DRG2: variants seen among roughly 807,000 people sequenced by gnomAD.
DRG2 encodes developmentally regulated GTP binding protein 2.
In DRG2, 36 loss-of-function variants were observed where a neutral mutation model predicts 53.4. The ratio of observed to expected loss-of-function variants is 0.67; its 90% CI spans 0.52 to 0.89. DRG2 has a LOEUF of 0.89. Among genes scored for constraint, DRG2 ranks in the 40% least tolerant of loss-of-function variants. The pLI, the probability that DRG2 is intolerant of heterozygous loss-of-function variation, is 0.00. For synonymous variants in DRG2, 167 were observed against 192.1 expected (o/e 0.87, Z 1.08); for missense variants, 342 against 481.2 (o/e 0.71, Z 2.71).
Position 18,099,547 on chromosome 17 carries a change from G to A in DRG2, c.377-86G>A. ...ATGTGGCAGAGGCTGTGGTAGGTCTGTAAAGGACAGGAGTCCAGGGCGCCG... is the reference window on the plus strand; with the variant it reads ...ATGTGGCAGAGGCTGTGGTAGGTCTATAAAGGACAGGAGTCCAGGGCGCCG... On this transcript the variant is annotated intron_variant, in intron 4 of 12. Transcript: ENST00000225729. The surrounding 1 kb of genome is among the most constrained non-coding windows in gnomAD (Gnocchi z 4.4). The A allele has an allele frequency of 7.2e-7, 1 of 1,392,250 alleles. No homozygotes were observed. Among genetic ancestry groups the A allele is most frequent in the Non-Finnish European group, 1.0e-6 (1 of 1,001,980 alleles). 86.2% of individuals were successfully genotyped at this position (1,392,250 alleles called of 1,614,324 possible).
At position 18,099,787 on chromosome 17, in the gene DRG2, C is replaced by T. The variant is rs756838646; in HGVS notation, c.467+64C>T. The T allele has an allele frequency of 1.9e-5, 29 of 1,505,916 alleles. No individual in the cohort carries two copies. Among genetic ancestry groups the T allele is most frequent in the African/African-American group, 9.6e-5 (7 of 72,632 alleles). The allele number at this position is 1,505,916 out of a possible 1,614,324, so 93.3% of individuals were successfully genotyped here. The stretch of plus-strand genomic sequence containing the variant: ...GGGAGGGCCAATGTGTCCCTGAGCT[C>T]GTACTAGGCGGCCTGTGGGTGTTTG... On this transcript the variant is annotated intron_variant, in intron 5 of 12. Coordinates refer to ENST00000225729, the MANE Select transcript of DRG2 (RefSeq NM_001388.5). The surrounding 1 kb of genome is among the most constrained non-coding windows in gnomAD (Gnocchi z 4.4).
Position 18,100,751 on chromosome 17 carries a change from G to C in DRG2, c.631+92G>C. ...TAAGACAGGAGGCCTCATGGAGCAG[G>C]GTGGCAGCAGGTCACCCCCACTGCC... On this transcript the variant is annotated intron_variant, in intron 7 of 12. Coordinates refer to ENST00000225729, the MANE Select transcript of DRG2 (RefSeq NM_001388.5). The surrounding 1 kb of genome is among the most constrained non-coding windows in gnomAD (Gnocchi z 4.1). 1 of 1,269,044 alleles carries C rather than the reference G, an allele frequency of 7.9e-7. No homozygotes were observed. The highest frequency in any genetic ancestry group is 1.1e-6 in the Non-Finnish European group (1 of 900,862). 78.6% of individuals were successfully genotyped at this position (1,269,044 alleles called of 1,614,324 possible).
chr17:18,098,741 A>G lies in DRG2; in HGVS notation c.316-276A>G, dbSNP rs1182615385. 6.6e-6 allele frequency among the ~76,000 whole-genome samples: 1 copy of G among 152,196 alleles called. No individual in the cohort carries two copies. Among genetic ancestry groups the G allele is most frequent in the Non-Finnish European group, 1.5e-5 (1 of 68,026 alleles). The stretch of plus-strand genomic sequence containing the variant: ...CTGAGTGGTATGGCCTTAAGTTCCC[A>G]TGGTGAAACAATTTATTTGTAAAGT... On this transcript the variant is annotated intron_variant, in intron 3 of 12. Coordinates refer to ENST00000225729, the MANE Select transcript of DRG2 (RefSeq NM_001388.5). This position sits in a 1 kb window ranked among gnomAD's most constrained non-coding sequence, Gnocchi z 4.1.
In DRG2 at chr17:18,100,962, C is replaced by T. The variant is rs2045522251; in HGVS notation, c.631+303C>T. On this transcript the variant is annotated intron_variant, in intron 7 of 12. Transcript: ENST00000225729. The surrounding 1 kb of genome is among the most constrained non-coding windows in gnomAD (Gnocchi z 4.1). ...CGGGGGGTTCCTAGCCTGGAGAAGC[C>T]CCAGGGAGAGCTGGGGAATGGGTGG... is the stretch of plus-strand genomic sequence containing the variant. 6.6e-6 allele frequency among the ~76,000 whole-genome samples: 1 copy of T among 152,114 alleles called. No homozygotes were observed. The highest frequency in any genetic ancestry group is 1.5e-5 in the Non-Finnish European group (1 of 68,016).
In DRG2 at chr17:18,093,972, AGGTCAGTGAT is replaced by A; in HGVS notation, c.225+8_225+17del. 9.9e-6 allele frequency: 16 copies of A among 1,613,642 alleles called. No homozygotes were observed. The highest frequency in any genetic ancestry group is 1.4e-5 in the Non-Finnish European group (16 of 1,179,660). On this transcript the variant is annotated splice_donor_variant and splice_donor_5th_base_variant and coding_sequence_variant and intron_variant, in exon 2 of 13. Coordinates refer to ENST00000225729, the MANE Select transcript of DRG2 (RefSeq NM_001388.5). LOFTEE classifies it high-confidence loss of function. ...CTGATTGGATTTCCCTCTGTGGGTA[AGGTCAGTGAT>A]GGTCAGTGTGGGCCTCGGGGAGGAA...
At chr17:18,089,930 G>A (rs933054045) in intron 1 of DRG2, among the ~76,000 whole-genome samples, 1 of 152,042 alleles carries the variant, frequency 6.6e-6, no homozygotes, top group Non-Finnish European at 1.5e-5. Context: ...GGCAGTGGGA[G>A]CTGGTGCAGG....
rs2045606751 is a variant in DRG2 at position 18,105,149 on chromosome 17, G to A, written c.954+468G>A. 2.0e-5 allele frequency among the ~76,000 whole-genome samples: 3 copies of A among 152,162 alleles called. 1 individual carries two copies. The highest frequency in any genetic ancestry group is 2.0e-4 in the Admixed American group (3 of 15,274). ...AGAGTTGGGGTGGGGAGCATCCCAG[G>A]TAGGGGAGCAGGCATGCACAGGCCC... On this transcript the variant is annotated intron_variant, in intron 11 of 12. Coordinates refer to ENST00000225729, the MANE Select transcript of DRG2 (RefSeq NM_001388.5).
intron 12 of DRG2, 44 bp downstream of exon 12, chr17:18,106,530 C>A: frequency 3.7e-6 from 6 of 1,607,130 alleles, no homozygotes; most frequent in Non-Finnish European, 5.1e-6. Flanking sequence ...AGACCCAGGA[C>A]AGCCCCTGGG....
At chr17:18,102,347 G>A (rs928210020) in intron 9 of DRG2, among the ~76,000 whole-genome samples, 1 of 152,188 alleles carries the variant, frequency 6.6e-6, no homozygotes, top group Middle Eastern at 3.2e-3. Flanking sequence ...CTTAGGCCAG[G>A]CGTGGTGGCT....
chr17:18,104,216 C>T (rs1042108806), intron 10 of DRG2, among the ~76,000 whole-genome samples: 5 of 152,174 alleles, frequency 3.3e-5, no homozygotes, highest in South Asian at 4.1e-4. Context: ...CCTCCTGGTG[C>T]GCACACACAC....
rs1186716416 is a variant in DRG2, at chr17:18,090,406, A to ATTTTTT, written c.64+2341_64+2346dup. Among the ~76,000 whole-genome samples, 28 of 22,698 alleles carry ATTTTTT rather than the reference A, an allele frequency of 1.2e-3. 4 individuals are homozygous for ATTTTTT. The highest frequency in any genetic ancestry group is 1.6e-3 in the African/African-American group (7 of 4,466). 14.9% of individuals were successfully genotyped at this position (22,698 alleles called of 152,430 possible). A position where few individuals can be genotyped will look rare whatever the true frequency, so the allele number is the denominator to read the frequency against. ...TATATATATATATATATATATATATATTTTTTTTTTTTTTTTTTTTTTTTT... is the reference window on the plus strand; with the variant it reads ...TATATATATATATATATATATATATATTTTTTTTTTTTTTTTTTTTTTTTTTTTTTT... On this transcript the variant is annotated intron_variant, in intron 1 of 12. Coordinates refer to ENST00000225729, the MANE Select transcript of DRG2 (RefSeq NM_001388.5).
chr17:18,090,368 TTATA>T (rs1242491729), intron 1 of DRG2, among the ~76,000 whole-genome samples: 398 of 25,460 alleles, frequency 0.016, no homozygotes, highest in Non-Finnish European at 0.02. Flanking sequence ...CCGGGCTAAT[TTATA>T]TATATATATA....
intron 2 of DRG2, among the ~76,000 whole-genome samples, chr17:18,094,644 C>T (rs1279738755): frequency 6.6e-6 from 1 of 152,096 alleles, no homozygotes; most frequent in Non-Finnish European, 1.5e-5. Flanking sequence ...CGAAAGGACC[C>T]TGGCTTGGAT....
chr17:18,101,517 T>G lies in DRG2; in HGVS notation c.656T>G (p.Phe219Cys). 1 of 1,614,206 alleles carries G rather than the reference T, an allele frequency of 6.2e-7. No individual in the cohort carries two copies. The highest frequency in any genetic ancestry group is 1.1e-5 in the South Asian group (1 of 91,086). Residue 219 changes from phenylalanine to cysteine, a missense_variant, in exon 8 of 13, where the codon TTC (phenylalanine) becomes TGC (cysteine). Transcript: ENST00000225729. The stretch of plus-strand genomic sequence containing the variant: ...GAGATCTTCAATGCAGAAGTGCTTT[T>G]CCGAGAAGACTGCTCCCCGGACGAG... ...EYKIFNAEVL[F>C]REDCSPDEFI...
At chr17:18,089,716 T>C (rs1002723397) in intron 1 of DRG2, among the ~76,000 whole-genome samples, 2 of 151,872 alleles carry the variant, frequency 1.3e-5, no homozygotes, top group Admixed American at 1.3e-4. Flanking sequence ...TAAGACCTGA[T>C]TGAAAAGAAG....
chr17:18,102,727 G>A (rs986115404), intron 9 of DRG2, among the ~76,000 whole-genome samples: 1 of 152,032 alleles, frequency 6.6e-6, no homozygotes, highest in Non-Finnish European at 1.5e-5. Flanking sequence ...TGGAAGGTGT[G>A]GCTTCTGTCT....
rs749183075 is a variant in DRG2, at chr17:18,106,532, G to T, written c.1008+46G>T. ...CAACCAGGGGGGTAGACCCAGGACA[G>T]CCCCTGGGTTAGGCATGAAGCAAGG... On this transcript the variant is annotated intron_variant, in intron 12 of 12. Transcript: ENST00000225729. 3.7e-6 allele frequency: 6 copies of T among 1,603,804 alleles called. No individual in the cohort carries two copies. The South Asian group carries it at 6.6e-5, about 18-fold the overall frequency.
intron 1 of DRG2, among the ~76,000 whole-genome samples, chr17:18,090,406 ATT>A (rs1186716416): frequency 8.4e-4 from 19 of 22,690 alleles, no homozygotes; most frequent in East Asian, 2.4e-3. Context: ...ATATATATAT[ATT>A]TTTTTTTTTT....
rs752914958 is a variant in DRG2 at position 18,107,181 on chromosome 17, C to T, written c.1036C>T (p.Arg346Trp). The T allele has an allele frequency of 6.8e-6, 11 of 1,613,292 alleles. No homozygotes were observed. In the South Asian group the frequency reaches 7.7e-5, roughly 11 times the overall value. The change falls in exon 13 of 13, where the codon CGG becomes TGG. Residue 346 changes from arginine to tryptophan, a missense_variant. Coordinates refer to ENST00000225729, the MANE Select transcript of DRG2 (RefSeq NM_001388.5). ...CACCAGCACCAAGTACAGTCCGCAG[C>T]GGGTGGGCCTGACCCACACCATGGA... ...WGTSTKYSPQ[R>W]VGLTHTMEHE...
Sources: allele counts gnomAD v4.1 joint callset (sites outside exome capture counted in the v4.1 genomes callset), GRCh38; gene constraint gnomAD v4.1.1; non-coding constraint Gnocchi (gnomAD v3.1); transcripts MANE v1.5; gene names NCBI Gene and HGNC (gene_info 2026-07-23, HGNC 2026-07-21).